The following NKAIN2 variants were observed in gnomAD, a reference collection of about 807,000 sequenced individuals.
NKAIN2 encodes the protein sodium/potassium transporting ATPase interacting 2.
Under a neutral mutation model 32.6 loss-of-function variants are expected in NKAIN2, and 14 were observed. The ratio of observed to expected loss-of-function variants is 0.43; its 90% confidence interval spans 0.28 to 0.67. The LOEUF is 0.67. Among genes scored for constraint, NKAIN2 ranks in the 30% least tolerant of loss-of-function variants. The pLI, the probability that NKAIN2 is intolerant of heterozygous loss-of-function variation, is 0.17. For missense variants in NKAIN2, 198 were observed against 258.3 expected (o/e 0.77, Z 1.60); for synonymous variants, 80 against 87.2 (o/e 0.92, Z 0.46).
chr6:123,900,348 C>T lies in NKAIN2; in HGVS notation c.54+96094C>T, dbSNP rs554149827. On this transcript the variant is annotated intron_variant, in intron 1 of 6. Transcript: ENST00000368417. ...ATTAGCTAGGCACGGTGGCACGTGC[C>T]TGTAGTCCCAGCTACTTGGGAGGCT... Among the ~76,000 whole-genome samples the T allele has an allele frequency of 1.9e-4, 29 of 151,916 alleles. No homozygotes were observed. In the South Asian group the frequency reaches 5.6e-3, roughly 30 times the overall value.
chr6:124,159,155 T>G (rs1473751641), intron 1 of NKAIN2, among the ~76,000 whole-genome samples: 3 of 152,182 alleles, frequency 2.0e-5, no homozygotes, highest in Non-Finnish European at 4.4e-5. Context: ...CCATCAACCT[T>G]ACAATAATAT....
chr6:124,248,065 A>C (rs1382695961), intron 1 of NKAIN2, among the ~76,000 whole-genome samples: 3 of 152,032 alleles, frequency 2.0e-5, no homozygotes, highest in African/African-American at 7.2e-5. Flanking sequence ...TTTCTTGTGA[A>C]TATGTGTAGG....
intron 1 of NKAIN2, among the ~76,000 whole-genome samples, chr6:123,871,493 T>A (rs1023812631): frequency 2.6e-5 from 4 of 152,156 alleles, no homozygotes; most frequent in African/African-American, 9.7e-5. Context: ...GAGACCCTCT[T>A]TGCCTCCTCC....
chr6:124,341,054 C>G (rs184553705), intron 2 of NKAIN2, among the ~76,000 whole-genome samples: 51 of 152,110 alleles, frequency 3.4e-4, no homozygotes, highest in African/African-American at 1.2e-3. Flanking sequence ...TAAAATAATG[C>G]CTGTTGGATG....
intron 4 of NKAIN2, among the ~76,000 whole-genome samples, chr6:124,720,594 C>A (rs1041219881): frequency 6.6e-6 from 1 of 152,100 alleles, no homozygotes; most frequent in Non-Finnish European, 1.5e-5. Flanking sequence ...CTTAAAATGA[C>A]ATTTATTTCT....
intron 1 of NKAIN2, among the ~76,000 whole-genome samples, chr6:123,874,386 C>G (rs1773063646): frequency 6.6e-6 from 1 of 152,138 alleles, no homozygotes; most frequent in Admixed American, 6.6e-5. Context: ...AATCTCTTGT[C>G]TTTGACTGCT....
At chr6:123,986,612 A>C (rs1204636762) in intron 1 of NKAIN2, among the ~76,000 whole-genome samples, 1 of 152,062 alleles carries the variant, frequency 6.6e-6, no homozygotes, top group Admixed American at 6.6e-5. Flanking sequence ...TAAAAAATTT[A>C]TGCTCAGGCC....
chr6:124,427,512 A>C (rs1481064001), intron 3 of NKAIN2, among the ~76,000 whole-genome samples: 1 of 152,190 alleles, frequency 6.6e-6, no homozygotes, highest in African/African-American at 2.4e-5. Context: ...TGTAAAATGT[A>C]AAACAGCTTC....
chr6:124,013,304 AT>A (rs1780418698), intron 1 of NKAIN2, among the ~76,000 whole-genome samples: 1 of 152,198 alleles, frequency 6.6e-6, no homozygotes, highest in African/African-American at 2.4e-5. Flanking sequence ...GAATCATTTA[AT>A]TTGATGAAGT....
intron 1 of NKAIN2, among the ~76,000 whole-genome samples, chr6:123,974,376 T>C (rs931690405): frequency 6.6e-6 from 1 of 152,204 alleles, no homozygotes; most frequent in Non-Finnish European, 1.5e-5. Context: ...TGTTTCTTTT[T>C]CCTTTAGAAT....
chr6:124,766,386 G>A (rs1047373445), intron 4 of NKAIN2, among the ~76,000 whole-genome samples: 6 of 152,112 alleles, frequency 3.9e-5, no homozygotes, highest in South Asian at 2.1e-4. Flanking sequence ...AGGGTGTGGC[G>A]CTCAGACTGG....
intron 1 of NKAIN2, among the ~76,000 whole-genome samples, chr6:124,023,060 A>T (rs1366497098): frequency 1.3e-5 from 2 of 151,396 alleles, no homozygotes; most frequent in East Asian, 3.9e-4. Flanking sequence ...GTATGTATGT[A>T]TGTATAAGTA....
In NKAIN2 at chr6:124,823,250, C is replaced by G. The variant is rs769652919; in HGVS notation, c.*21C>G. 1.3e-6 allele frequency: 2 copies of G among 1,575,580 alleles called. No homozygotes were observed. The highest frequency in any genetic ancestry group is 1.7e-5 in the Admixed American group (1 of 59,952). On this transcript the variant is annotated 3_prime_UTR_variant, in exon 7 of 7. Transcript: ENST00000368417. ...AATAATACAGATGACTTCAGTATGT[C>G]AGCCCATGGACCTTTCAAAGAACTT...
chr6:124,286,642 T>TTG (rs56396833), intron 2 of NKAIN2, among the ~76,000 whole-genome samples: 23,330 of 144,332 alleles, frequency 0.16, 1,981 homozygotes, highest in Middle Eastern at 0.25. Flanking sequence ...GTTTGGAAAA[T>TTG]TGTGTGTGTG....
intron 1 of NKAIN2, among the ~76,000 whole-genome samples, chr6:124,092,709 C>A (rs1784487319): frequency 6.6e-6 from 1 of 151,778 alleles, no homozygotes; most frequent in South Asian, 2.1e-4. Context: ...ATATGTTTAG[C>A]CTATTTATGT....
At chr6:123,938,180 T>C (rs759552502) in intron 1 of NKAIN2, among the ~76,000 whole-genome samples, 8 of 151,720 alleles carry the variant, frequency 5.3e-5, no homozygotes, top group Non-Finnish European at 1.0e-4. Context: ...TTTCATGGCT[T>C]AGAATTGAAT....
At chr6:124,182,157 A>T (rs1768410804) in intron 1 of NKAIN2, among the ~76,000 whole-genome samples, 1 of 152,130 alleles carries the variant, frequency 6.6e-6, no homozygotes, top group Non-Finnish European at 1.5e-5. Flanking sequence ...ACTCTCCTTT[A>T]TAAAACCATC....
At chr6:124,189,612 C>T (rs1002960092) in intron 1 of NKAIN2, among the ~76,000 whole-genome samples, 2 of 151,918 alleles carry the variant, frequency 1.3e-5, no homozygotes, top group Non-Finnish European at 2.9e-5. Context: ...AGGCAGGAGG[C>T]GGAGCTTGAA....
At chr6:124,726,648 G>A (rs891555566) in intron 4 of NKAIN2, among the ~76,000 whole-genome samples, 6 of 147,522 alleles carry the variant, frequency 4.1e-5, no homozygotes, top group African/African-American at 7.5e-5. Flanking sequence ...AAACCAGAGC[G>A]CCTCTCCTCC....
Sources: allele counts gnomAD v4.1 joint callset (sites outside exome capture counted in the v4.1 genomes callset), GRCh38; gene constraint gnomAD v4.1.1; transcripts MANE v1.5; gene names NCBI Gene and HGNC (gene_info 2026-07-23, HGNC 2026-07-21).